OLFM3: variants seen among roughly 807,000 people sequenced by gnomAD.
OLFM3 encodes the protein olfactomedin 3.
Under a neutral mutation model 48.6 loss-of-function variants are expected in OLFM3, and 20 were observed. The observed-to-expected ratio is 0.41, with a 90% confidence interval of 0.29 to 0.60. The LOEUF is 0.60. Ranked by LOEUF, OLFM3 falls within the 20% of genes least tolerant of loss-of-function variation. The pLI, the probability that OLFM3 is intolerant of heterozygous loss-of-function variation, is 0.28. For missense variants in OLFM3, 437 were observed against 544.3 expected (o/e 0.80, Z 1.96); for synonymous variants, 222 against 198.1 (o/e 1.12, Z -1.01).
chr1:101,826,408 T>C (rs6699822), intron 3 of OLFM3, among the ~76,000 whole-genome samples: 358 of 152,356 alleles, frequency 2.3e-3, no homozygotes, highest in African/African-American at 8.3e-3. Flanking sequence ...GTCCCTCTTA[T>C]GATTATTTGA....
chr1:101,804,553 A>G lies in OLFM3; in HGVS notation c.1062T>C (p.Leu354=), dbSNP rs764755877. 4.3e-6 allele frequency: 7 copies of G among 1,612,626 alleles called. No individual in the cohort carries two copies. The highest frequency in any genetic ancestry group is 5.9e-6 in the Non-Finnish European group (7 of 1,179,150). ...TCATCACCTCCAAGGTATCTTGGTT[A>G]AGTTGGCTGATGACAATATTGCCTG... The part of the protein sequence containing the change: ...QNAGNIVISQ[L]NQDTLEVMKS... The change falls in exon 6 of 6, where the codon CTT becomes CTC. Residue 354 remains leucine (L), a synonymous_variant. Coordinates refer to ENST00000370103, the MANE Select transcript of OLFM3 (RefSeq NM_058170.4). The surrounding 1 kb of genome is among the most constrained non-coding windows in gnomAD (Gnocchi z 4.5).
intron 2 of OLFM3, among the ~76,000 whole-genome samples, chr1:101,835,655 T>C (rs1346023133): frequency 6.6e-6 from 1 of 152,134 alleles, no homozygotes; most frequent in Non-Finnish European, 1.5e-5. Context: ...TTAGCTGAAG[T>C]CATTATTCTG....
At chr1:101,963,327 C>T (rs1400800495) in intron 1 of OLFM3, among the ~76,000 whole-genome samples, 1 of 152,180 alleles carries the variant, frequency 6.6e-6, no homozygotes, top group African/African-American at 2.4e-5. Context: ...TTCCCTTGAC[C>T]TCTAAATTCT....
intron 1 of OLFM3, among the ~76,000 whole-genome samples, chr1:101,992,718 T>A (rs750502093): frequency 6.6e-6 from 1 of 152,046 alleles, no homozygotes; most frequent in African/African-American, 2.4e-5. Flanking sequence ...ACTTAGGCAG[T>A]TTAAGTCTGA....
At chr1:101,898,258 G>A (rs1658270979) in intron 1 of OLFM3, among the ~76,000 whole-genome samples, 1 of 152,122 alleles carries the variant, frequency 6.6e-6, no homozygotes, top group Non-Finnish European at 1.5e-5. Flanking sequence ...TCTGAGTTGG[G>A]TAATATAATC....
chr1:101,891,806 T>C (rs1469660277), intron 1 of OLFM3, among the ~76,000 whole-genome samples: 3 of 152,038 alleles, frequency 2.0e-5, no homozygotes, highest in East Asian at 1.9e-4. Flanking sequence ...AGGTTTAACA[T>C]GGACATTATT....
Position 101,802,852 on chromosome 1 carries a change from A to T in OLFM3, c.*1386T>A, listed in dbSNP as rs1653555097. On this transcript the variant is annotated 3_prime_UTR_variant, in exon 6 of 6. Coordinates refer to ENST00000370103, the MANE Select transcript of OLFM3 (RefSeq NM_058170.4). ...TAGTTTCCATAAAGCTGCCTTAGGGAACTATTTTTTTAATATGTGGAAAAT... is the reference window on the plus strand; with the variant it reads ...TAGTTTCCATAAAGCTGCCTTAGGGTACTATTTTTTTAATATGTGGAAAAT... 1 of 151,578 alleles carries T rather than the reference A, an allele frequency of 6.6e-6. No individual in the cohort carries two copies. The highest frequency in any genetic ancestry group is 2.1e-4 in the South Asian group (1 of 4,830). The allele number at this position is 151,578 out of a possible 1,614,324, so 9.4% of individuals were successfully genotyped here. A position where few individuals can be genotyped will look rare whatever the true frequency, so the allele number is the denominator to read the frequency against.
chr1:101,952,037 CCTATCTAA>C (rs1346889655), intron 1 of OLFM3, among the ~76,000 whole-genome samples: 2 of 151,378 alleles, frequency 1.3e-5, no homozygotes, highest in African/African-American at 4.9e-5. Flanking sequence ...TTAAAAGTTA[CCTATCTAA>C]CTATCTGATT....
intron 1 of OLFM3, among the ~76,000 whole-genome samples, chr1:101,892,105 A>G (rs77302890): frequency 0.012 from 1,818 of 152,132 alleles, 18 homozygotes; most frequent in Admixed American, 0.016. Context: ...CTGCTAGACA[A>G]GAATGAGATG....
At chr1:101,889,610 C>A (rs1419251265) in intron 1 of OLFM3, among the ~76,000 whole-genome samples, 1 of 151,814 alleles carries the variant, frequency 6.6e-6, no homozygotes, top group East Asian at 1.9e-4. Flanking sequence ...ATGTAACAAA[C>A]CTACACGTTG....
rs1653621671 is a variant in OLFM3 at position 101,803,926 on chromosome 1, T to C, written c.*312A>G. The C allele has an allele frequency of 5.3e-6, 1 of 187,700 alleles. No homozygotes were observed. Among genetic ancestry groups the C allele is most frequent in the Admixed American group, 6.0e-5 (1 of 16,542 alleles). 11.6% of individuals were successfully genotyped at this position (187,700 alleles called of 1,614,324 possible). A position where few individuals can be genotyped will look rare whatever the true frequency, so the allele number is the denominator to read the frequency against. ...ATTCGTGCATTTAAGCCACCATTAG[T>C]CTCTGACTCTAATATAAGGCAGATC... On this transcript the variant is annotated 3_prime_UTR_variant, in exon 6 of 6. Transcript: ENST00000370103.
At chr1:101,949,916 A>C (rs559120012) in intron 1 of OLFM3, among the ~76,000 whole-genome samples, 2 of 131,264 alleles carry the variant, frequency 1.5e-5, no homozygotes, top group East Asian at 4.9e-4. Flanking sequence ...TGGGCAACAG[A>C]GCAAGACTCC....
intron 3 of OLFM3, among the ~76,000 whole-genome samples, chr1:101,826,598 G>T (rs1654877783): frequency 6.6e-6 from 1 of 152,154 alleles, no homozygotes; most frequent in African/African-American, 2.4e-5. Context: ...ATTTCCACTT[G>T]CTCTGTAAGT....
intron 3 of OLFM3, among the ~76,000 whole-genome samples, chr1:101,827,569 A>G (rs1270361214): frequency 6.6e-6 from 1 of 152,052 alleles, no homozygotes; most frequent in Non-Finnish European, 1.5e-5. Context: ...GGAACGTTCC[A>G]TTTCCTCTTT....
intron 1 of OLFM3, among the ~76,000 whole-genome samples, chr1:101,847,902 C>T (rs1211652147): frequency 1.3e-5 from 2 of 152,056 alleles, no homozygotes; most frequent in African/African-American, 4.8e-5. Flanking sequence ...TTGTTCTCCT[C>T]TAGTTAGCCA....
chr1:101,888,956 C>T (rs535778901), intron 1 of OLFM3, among the ~76,000 whole-genome samples: 1 of 152,176 alleles, frequency 6.6e-6, no homozygotes, highest in Non-Finnish European at 1.5e-5. Flanking sequence ...AATGAGATAT[C>T]ATCTCACACC....
At position 101,983,746 on chromosome 1, in the gene OLFM3, A is replaced by T. The variant is rs530402984; in HGVS notation, c.69+13002T>A. Among the ~76,000 whole-genome samples the T allele has an allele frequency of 2.6e-5, 4 of 152,326 alleles. No individual in the cohort carries two copies. In the South Asian group the frequency reaches 8.3e-4, roughly 32 times the overall value. ...CAATTATTTGCAATTAAATAAGCAA[A>T]CTATACAACACATTTTTTTCTCAAT... On this transcript the variant is annotated intron_variant, in intron 1 of 5. Transcript: ENST00000370103.
At chr1:101,865,888 T>C (rs1412681499) in intron 1 of OLFM3, among the ~76,000 whole-genome samples, 1 of 152,256 alleles carries the variant, frequency 6.6e-6, no homozygotes, top group East Asian at 1.9e-4. Flanking sequence ...TCTTAATGAA[T>C]TTACACAGCA....
Position 101,804,921 on chromosome 1 carries a change from A to T in OLFM3, c.700-6T>A. 6.3e-7 allele frequency: 1 copy of T among 1,592,926 alleles called. No homozygotes were observed. The highest frequency in any genetic ancestry group is 2.2e-5 in the East Asian group (1 of 44,618). On this transcript the variant is annotated splice_region_variant and splice_polypyrimidine_tract_variant and intron_variant, in intron 5 of 5. Coordinates refer to ENST00000370103, the MANE Select transcript of OLFM3 (RefSeq NM_058170.4). This position sits in a 1 kb window ranked among gnomAD's most constrained non-coding sequence, Gnocchi z 4.5. ...TAACTGTCCATGTACCAGACCTGAG[A>T]AGAAGGAAAAAAATAAATGGAGTGA... is the stretch of plus-strand genomic sequence containing the variant.
Sources: allele counts gnomAD v4.1 joint callset (sites outside exome capture counted in the v4.1 genomes callset), GRCh38; gene constraint gnomAD v4.1.1; non-coding constraint Gnocchi (gnomAD v3.1); transcripts MANE v1.5; gene names NCBI Gene and HGNC (gene_info 2026-07-23, HGNC 2026-07-21).